CLPX: variants seen among roughly 807,000 people sequenced by gnomAD.
CLPX encodes the protein caseinolytic mitochondrial matrix peptidase chaperone subunit X.
A neutral mutation model predicts 76.4 loss-of-function variants in CLPX; 34 were observed. That is an observed-to-expected ratio of 0.45 (90% CI 0.34 to 0.59). The LOEUF (loss-of-function observed/expected upper bound fraction) is 0.59. Ranked by LOEUF, CLPX falls within the 20% of genes least tolerant of loss-of-function variation. The pLI is 0.01. For missense variants in CLPX, 613 were observed against 757.0 expected, an observed-to-expected ratio of 0.81 and a Z score of 2.23; for synonymous variants, 248 against 270.9, an observed-to-expected ratio of 0.92 and a Z score of 0.83.
At chr15:65,159,962 G>A (rs1057297129) in intron 6 of CLPX, among the ~76,000 whole-genome samples, 5 of 151,890 alleles carry the variant, frequency 3.3e-5, no homozygotes, top group Non-Finnish European at 4.4e-5. Flanking sequence ...ACAGGCACAC[G>A]CCACCACACC....
chr15:65,185,148 G>T lies in CLPX; in HGVS notation c.6C>A (p.Pro2=), dbSNP rs565988263. The change falls in exon 1 of 14, where the codon CCC becomes CCA. Residue 2 remains proline (P), a synonymous_variant. Coordinates refer to ENST00000300107, the MANE Select transcript of CLPX (RefSeq NM_006660.5). The stretch of plus-strand genomic sequence containing the variant: ...CGCCGCAAGTACAAGCACCGCAGCT[G>T]GGCATCTCCGCGAGGCCTAGGCCGG... M[P]SCGACTCGAA... The T allele has an allele frequency of 6.4e-7, 1 of 1,566,874 alleles. No homozygotes were observed. The highest frequency in any genetic ancestry group is 1.9e-5 in the Admixed American group (1 of 51,902).
At chr15:65,171,320 G>A (rs1451973324) in intron 3 of CLPX, among the ~76,000 whole-genome samples, 1 of 151,984 alleles carries the variant, frequency 6.6e-6, no homozygotes, top group African/African-American at 2.4e-5. Flanking sequence ...GTTGTCTTGT[G>A]CCTGTAATCC....
intron 1 of CLPX, among the ~76,000 whole-genome samples, 183 bp downstream of exon 1, chr15:65,184,892 G>T (rs939995076): frequency 1.3e-5 from 2 of 152,276 alleles, no homozygotes; most frequent in African/African-American, 4.8e-5. Context: ...AGCAACGGCT[G>T]CTCCAGAGGT....
Position 65,166,767 on chromosome 15 carries a change from T to C in CLPX, c.377A>G (p.Lys126Arg). 6.2e-7 allele frequency: 1 copy of C among 1,613,080 alleles called. No individual in the cohort carries two copies. The highest frequency in any genetic ancestry group is 8.5e-7 in the Non-Finnish European group (1 of 1,179,662). ...ETFVSSTRFV[K>R]CEKCHHFFVV... ...AAAAAAATGATGACACTTTTCACAC[T>C]TGACAAAACGGGTGGATGCTGTAAA... Residue 126 changes from lysine (K) to arginine (R), a missense_variant, in exon 4 of 14, where the codon AAG (lysine) becomes AGG (arginine). Around this residue, in one of 2 missense-constraint regions of CLPX, gnomAD observed 450 missense variants for 638.6 expected, o/e 0.70. Transcript: ENST00000300107.
intron 1 of CLPX, among the ~76,000 whole-genome samples, chr15:65,183,140 G>A (rs1456053805): frequency 2.1e-5 from 3 of 145,074 alleles, no homozygotes; most frequent in Non-Finnish European, 3.0e-5. Flanking sequence ...CTCCAGCCCG[G>A]GCAACTTAGC....
intron 3 of CLPX, among the ~76,000 whole-genome samples, chr15:65,176,426 G>A (rs2088091988): frequency 6.6e-6 from 1 of 152,132 alleles, no homozygotes; most frequent in Non-Finnish European, 1.5e-5. Flanking sequence ...ATGTGACCTT[G>A]AATGAGTTAC....
chr15:65,155,212 C>T (rs574306694), intron 10 of CLPX, 131 bp from the exon 11 acceptor site: 1 of 880,264 alleles, frequency 1.1e-6, no homozygotes, highest in African/African-American at 1.7e-5. Flanking sequence ...TTACATTTTA[C>T]AAAGGAAAAA....
chr15:65,149,137 C>A lies in CLPX; in HGVS notation c.*1686G>T, dbSNP rs1345460538. The A allele has an allele frequency of 6.6e-6, 1 of 152,284 alleles. No individual in the cohort carries two copies. The highest frequency in any genetic ancestry group is 2.4e-5 in the African/African-American group (1 of 41,456). 9.4% of individuals were successfully genotyped at this position (152,284 alleles called of 1,614,324 possible). A position where few individuals can be genotyped will look rare whatever the true frequency, so the allele number is the denominator to read the frequency against. ...TCAAGAAATTTTATTTAGGTCAGCACATGGCTGTTACTATGACTGATACTG... is the reference window on the plus strand; with the variant it reads ...TCAAGAAATTTTATTTAGGTCAGCAAATGGCTGTTACTATGACTGATACTG... On this transcript the variant is annotated 3_prime_UTR_variant, in exon 14 of 14. Coordinates refer to ENST00000300107, the MANE Select transcript of CLPX (RefSeq NM_006660.5).
At chr15:65,157,672 A>C in intron 8 of CLPX, 74 bp downstream of exon 8, 1 of 1,349,338 alleles carries the variant, frequency 7.4e-7, no homozygotes, top group Admixed American at 2.5e-5. Context: ...CAAAACAAGA[A>C]TTATATTGTC....
chr15:65,184,989 C>T (rs960835078), intron 1 of CLPX, 86 bp downstream of exon 1: 3 of 1,166,296 alleles, frequency 2.6e-6, no homozygotes, highest in Non-Finnish European at 3.8e-6. Flanking sequence ...CAGCAGGCCT[C>T]GTGCCCTCCC....
At chr15:65,158,857 T>A in intron 6 of CLPX, 106 bp from the exon 7 acceptor site, 2 of 957,486 alleles carry the variant, frequency 2.1e-6, no homozygotes, top group Non-Finnish European at 3.0e-6. Context: ...TAGAAAAATT[T>A]AAGTATTTTG....
intron 3 of CLPX, among the ~76,000 whole-genome samples, chr15:65,177,222 C>A (rs193121006): frequency 1.3e-5 from 2 of 152,052 alleles, no homozygotes; most frequent in African/African-American, 4.8e-5. Context: ...ATGCACGCCA[C>A]CACGCCCGGC....
intron 7 of CLPX, chr15:65,158,135 TG>T: frequency 1.2e-5 from 5 of 400,130 alleles, no homozygotes; most frequent in African/African-American, 2.1e-5. Context: ...TGGGCTTAAG[TG>T]ATCCTCCTGC....
At chr15:65,168,685 C>T (rs1293339085) in intron 3 of CLPX, among the ~76,000 whole-genome samples, 3 of 151,338 alleles carry the variant, frequency 2.0e-5, no homozygotes, top group African/African-American at 7.3e-5. Context: ...CAACATGGCA[C>T]ATGTATACCT....
intron 1 of CLPX, among the ~76,000 whole-genome samples, chr15:65,183,191 G>A (rs922879583): frequency 6.6e-6 from 1 of 151,632 alleles, no homozygotes; most frequent in African/African-American, 2.4e-5. Context: ...GGCCAGGCGC[G>A]GTGGCTCACG....
chr15:65,172,114 C>T (rs904076432), intron 3 of CLPX, among the ~76,000 whole-genome samples: 67 of 152,242 alleles, frequency 4.4e-4, no homozygotes, highest in African/African-American at 1.5e-3. Context: ...CAAGCATGCG[C>T]CACCACACCC....
At chr15:65,168,276 C>T (rs1595942396) in intron 3 of CLPX, among the ~76,000 whole-genome samples, 3 of 142,362 alleles carry the variant, frequency 2.1e-5, no homozygotes, top group South Asian at 4.6e-4. Flanking sequence ...CCCAGCTGCT[C>T]GGGAGGCTGA....
intron 5 of CLPX, 103 bp downstream of exon 5, chr15:65,163,926 C>T (rs2087880314): frequency 9.0e-7 from 1 of 1,109,660 alleles, no homozygotes; most frequent in South Asian, 1.4e-5. Context: ...TGAAAAATGC[C>T]ACACTATATA....
At chr15:65,181,897 G>A (rs1231686948) in intron 1 of CLPX, among the ~76,000 whole-genome samples, 4 of 151,788 alleles carry the variant, frequency 2.6e-5, no homozygotes, top group Admixed American at 2.6e-4. Flanking sequence ...GCCCAGGGGG[G>A]CAGATCATAA....
Sources: allele counts gnomAD v4.1 joint callset (sites outside exome capture counted in the v4.1 genomes callset), GRCh38; gene constraint gnomAD v4.1.1; regional missense constraint gnomAD v4.1.1; transcripts MANE v1.5; gene names NCBI Gene and HGNC (gene_info 2026-07-23, HGNC 2026-07-21).